The following STK39 variants were observed in gnomAD, a reference collection of about 807,000 sequenced individuals.
STK39 encodes STE20/SPS1-related proline-alanine-rich protein kinase.
A neutral mutation model predicts 77.8 loss-of-function variants in STK39; 20 were observed. That is an observed-to-expected ratio of 0.26 (90% CI 0.18 to 0.37). The LOEUF (loss-of-function observed/expected upper bound fraction) is 0.37. Among genes scored for constraint, STK39 ranks in the 10% least tolerant of loss-of-function variants. The pLI, the probability that STK39 is intolerant of heterozygous loss-of-function variation, is 1.00. For synonymous variants in STK39, 246 were observed against 234.1 expected, an observed-to-expected ratio of 1.05 and a Z score of -0.47; for missense variants, 479 against 656.5, an observed-to-expected ratio of 0.73 and a Z score of 2.95.
At chr2:168,224,214 C>CA (rs919199886) in intron 1 of STK39, among the ~76,000 whole-genome samples, 13 of 149,904 alleles carry the variant, frequency 8.7e-5, no homozygotes, top group South Asian at 8.4e-4. Flanking sequence ...AAACAAACAA[C>CA]AAAAAAAAAT....
At chr2:167,956,686 ACACACACACACTCTCTCT>A (rs1376896053) in intron 17 of STK39, among the ~76,000 whole-genome samples, 1 of 44,720 alleles carries the variant, frequency 2.2e-5, no homozygotes, top group Non-Finnish European at 4.7e-5. Context: ...ACACACACAC[ACACACACACACTCTCTCT>A]CTCTCTCTCT....
chr2:168,043,833 A>G (rs1334731174), intron 14 of STK39, among the ~76,000 whole-genome samples: 2 of 152,170 alleles, frequency 1.3e-5, no homozygotes, highest in Non-Finnish European at 1.5e-5. Flanking sequence ...TTTAATTTCC[A>G]TTTTTTATTT....
At chr2:168,078,741 CAAAA>C (rs56865790) in intron 10 of STK39, among the ~76,000 whole-genome samples, 2,867 of 86,380 alleles carry the variant, frequency 0.033, 95 homozygotes, top group African/African-American at 0.11. Flanking sequence ...TCCATCTGTC[CAAAA>C]AAAAAAAAAA....
intron 2 of STK39, among the ~76,000 whole-genome samples, chr2:168,171,857 C>T (rs1688835454): frequency 1.1e-5 from 1 of 93,510 alleles, no homozygotes; most frequent in Non-Finnish European, 1.9e-5. Context: ...CCCCCCACTC[C>T]CCCCTCCCCC....
chr2:168,219,687 CTCTCCTACCAA>C (rs1327894234), intron 1 of STK39, among the ~76,000 whole-genome samples: 2 of 152,134 alleles, frequency 1.3e-5, no homozygotes, highest in African/African-American at 4.8e-5. Flanking sequence ...CTCACAATTG[CTCTCCTACCAA>C]TCTCAGTGTT....
chr2:168,072,980 TAAGAG>T (rs1331690235), intron 12 of STK39, among the ~76,000 whole-genome samples: 1 of 152,166 alleles, frequency 6.6e-6, no homozygotes, highest in East Asian at 1.9e-4. Flanking sequence ...TTCACAGAAA[TAAGAG>T]TTCTATTCAT....
chr2:168,172,971 G>A (rs1222208464), intron 2 of STK39, among the ~76,000 whole-genome samples: 2 of 152,304 alleles, frequency 1.3e-5, no homozygotes, highest in East Asian at 1.9e-4. Context: ...CCCCAGGGAG[G>A]CTGCTGTAAA....
At chr2:168,190,174 G>A (rs1411474387) in intron 1 of STK39, among the ~76,000 whole-genome samples, 1 of 152,162 alleles carries the variant, frequency 6.6e-6, no homozygotes, top group Non-Finnish European at 1.5e-5. Flanking sequence ...GAACACAGGA[G>A]GCCTCCAAGA....
chr2:168,077,790 G>A (rs769891911), intron 10 of STK39, among the ~76,000 whole-genome samples: 4 of 151,902 alleles, frequency 2.6e-5, no homozygotes, highest in Non-Finnish European at 4.4e-5. Context: ...CTTGTAGGGA[G>A]TTTGTAGGGA....
Position 168,084,822 on chromosome 2 carries a change from A to C in STK39, c.1090-9591T>G, listed in dbSNP as rs557612626. Among the ~76,000 whole-genome samples the C allele has an allele frequency of 1.1e-4, 16 of 152,334 alleles. No individual in the cohort carries two copies. In the South Asian group the frequency reaches 3.1e-3, roughly 30 times the overall value. Reference sequence around the variant, plus strand: ...GAAATGGTTTCAGAGCAAAAATCAAACCCAGGGTGAAACTGCACAACCTTT... The same window carrying C: ...GAAATGGTTTCAGAGCAAAAATCAACCCCAGGGTGAAACTGCACAACCTTT... On this transcript the variant is annotated intron_variant, in intron 10 of 17. Coordinates refer to ENST00000355999, the MANE Select transcript of STK39 (RefSeq NM_013233.3).
intron 14 of STK39, among the ~76,000 whole-genome samples, chr2:168,047,291 T>C (rs1685268962): frequency 6.6e-6 from 1 of 152,232 alleles, no homozygotes; most frequent in South Asian, 2.1e-4. Context: ...TGATTTACAA[T>C]GTTAGAGTTT....
At chr2:168,199,383 G>A (rs978893224) in intron 1 of STK39, among the ~76,000 whole-genome samples, 1 of 152,206 alleles carries the variant, frequency 6.6e-6, no homozygotes, top group Non-Finnish European at 1.5e-5. Flanking sequence ...CATCACAGGA[G>A]AAACTGGACT....
intron 3 of STK39, among the ~76,000 whole-genome samples, chr2:168,165,360 T>TA (rs3835850): frequency 0.12 from 17,633 of 152,068 alleles, 2,064 homozygotes; most frequent in East Asian, 0.31. Flanking sequence ...CTCAGCTTCA[T>TA]AAAGCAAAAG....
intron 14 of STK39, among the ~76,000 whole-genome samples, chr2:168,027,245 T>C (rs968233154): frequency 2.6e-5 from 4 of 152,134 alleles, no homozygotes; most frequent in East Asian, 3.9e-4. Flanking sequence ...CCAGCCACCA[T>C]GGGCCATATG....
intron 14 of STK39, among the ~76,000 whole-genome samples, chr2:168,028,486 A>G (rs1335004015): frequency 6.6e-6 from 1 of 152,194 alleles, no homozygotes; most frequent in Non-Finnish European, 1.5e-5. Flanking sequence ...ATATTTATTG[A>G]ACTTATTTTC....
intron 1 of STK39, among the ~76,000 whole-genome samples, chr2:168,230,667 A>C (rs1690430468): frequency 6.6e-6 from 1 of 152,198 alleles, no homozygotes; most frequent in South Asian, 2.1e-4. Context: ...ATCCATGATG[A>C]GAGAACCGAG....
At chr2:168,229,418 C>T (rs541895885) in intron 1 of STK39, among the ~76,000 whole-genome samples, 2 of 151,220 alleles carry the variant, frequency 1.3e-5, no homozygotes, top group African/African-American at 4.8e-5. Context: ...TATAACAGTA[C>T]ATCTCCCTTC....
chr2:168,025,660 C>T (rs115552306), intron 14 of STK39, among the ~76,000 whole-genome samples: 150 of 152,232 alleles, frequency 9.9e-4, no homozygotes, highest in Middle Eastern at 3.4e-3. Context: ...CCTTGGCAGA[C>T]GAATGTGCAG....
At chr2:167,977,903 G>A (rs1345959422) in intron 16 of STK39, among the ~76,000 whole-genome samples, 1 of 152,178 alleles carries the variant, frequency 6.6e-6, no homozygotes, top group Non-Finnish European at 1.5e-5. Context: ...GTCTCCTACA[G>A]CATTTGGGGT....
Sources: gnomAD v4.1 joint callset for allele counts (sites outside exome capture counted in the v4.1 genomes callset) on GRCh38, gnomAD v4.1.1 for gene constraint, MANE v1.5 for transcripts, NCBI Gene and HGNC (gene_info 2026-07-23, HGNC 2026-07-21) for gene names.